Variants in PPIL6 observed in about 807,000 individuals in gnomAD.
PPIL6 encodes probable inactive peptidyl-prolyl cis-trans isomerase-like 6.
Under a neutral mutation model 36.8 loss-of-function variants are expected in PPIL6, and 39 were observed. The observed-to-expected ratio is 1.06, with a 90% confidence interval of 0.82 to 1.38. The LOEUF (loss-of-function observed/expected upper bound fraction) is 1.38. Ranked by LOEUF, PPIL6 falls within the 40% of genes most tolerant of loss-of-function variation. The pLI, the probability that PPIL6 is intolerant of heterozygous loss-of-function variation, is 0.00. For synonymous variants in PPIL6, 123 were observed against 134.1 expected, an observed-to-expected ratio of 0.92 and a Z score of 0.57; for missense variants, 368 against 379.1, an observed-to-expected ratio of 0.97 and a Z score of 0.24.
At chr6:109,425,258 TCCAA>T (rs1773753067) in intron 5 of PPIL6, among the ~76,000 whole-genome samples, 1 of 152,218 alleles carries the variant, frequency 6.6e-6, no homozygotes, top group Non-Finnish European at 1.5e-5. Flanking sequence ...AATCTAGCAA[TCCAA>T]CTTTTTCCCA....
chr6:109,424,756 G>T (rs10872033), intron 5 of PPIL6, among the ~76,000 whole-genome samples: 1 of 151,964 alleles, frequency 6.6e-6, no homozygotes, highest in African/African-American at 2.4e-5. Flanking sequence ...GACCTCTGGT[G>T]GTCCTCACTG....
intron 7 of PPIL6, among the ~76,000 whole-genome samples, chr6:109,399,271 C>A (rs143764212): frequency 1.3e-5 from 2 of 152,152 alleles, no homozygotes; most frequent in Admixed American, 6.5e-5. Flanking sequence ...CCACGCCTGG[C>A]TAATTTTTTG....
intron 6 of PPIL6, chr6:109,403,017 A>C: frequency 6.6e-7 from 1 of 1,513,894 alleles, no homozygotes; most frequent in Non-Finnish European, 8.8e-7. Context: ...CTCACTCTTT[A>C]ATCGTCTGCT....
chr6:109,433,982 C>A (rs1359069716), intron 2 of PPIL6, among the ~76,000 whole-genome samples: 2 of 152,098 alleles, frequency 1.3e-5, no homozygotes, highest in African/African-American at 4.8e-5. Context: ...AGAATCCACA[C>A]CAATTTCCTA....
chr6:109,415,161 G>T (rs554330220), intron 6 of PPIL6, among the ~76,000 whole-genome samples: 1 of 152,246 alleles, frequency 6.6e-6, no homozygotes, highest in East Asian at 1.9e-4. Flanking sequence ...GTCACACTCA[G>T]TGTTAACTTT....
At chr6:109,408,882 AC>A (rs772142627) in intron 6 of PPIL6, among the ~76,000 whole-genome samples, 7 of 152,204 alleles carry the variant, frequency 4.6e-5, no homozygotes, top group South Asian at 2.1e-4. Context: ...GGCCAGTATT[AC>A]CCTGAATACC....
chr6:109,419,038 G>A (rs915644547), intron 6 of PPIL6, 149 bp downstream of exon 6: 9 of 566,784 alleles, frequency 1.6e-5, no homozygotes, highest in Middle Eastern at 9.0e-4. Flanking sequence ...GCCTTAGGGC[G>A]CTTCCCCCCG....
At chr6:109,430,463 C>G (rs957339130) in intron 3 of PPIL6, among the ~76,000 whole-genome samples, 4 of 150,884 alleles carry the variant, frequency 2.7e-5, no homozygotes, top group East Asian at 2.0e-4. Flanking sequence ...GAGTCTCGCT[C>G]TGCACCAGGC....
rs148401838 is a variant in PPIL6, at chr6:109,431,223, A to C, written c.354T>G (p.Ile118Met). 43 of 1,614,130 alleles carry C rather than the reference A, an allele frequency of 2.7e-5. No homozygotes were observed. In the African/African-American group the frequency reaches 5.2e-4, roughly 20 times the overall value. Residue 118 changes from isoleucine (I) to methionine (M), a missense_variant, in exon 3 of 8, where the codon ATT becomes ATG. Coordinates refer to ENST00000521072, the MANE Select transcript of PPIL6 (RefSeq NM_173672.5). ...WAHEVWDIVD[I>M]KPSALYDALT... ...GTGCGTCATAAAGTGCAGAGGGTTT[A>C]ATGTCAACTATATCCCACACCTCGT...
At chr6:109,394,001 G>A (rs1258695356) in intron 7 of PPIL6, among the ~76,000 whole-genome samples, 1 of 152,194 alleles carries the variant, frequency 6.6e-6, no homozygotes, top group African/African-American at 2.4e-5. Flanking sequence ...CTCAGGCTCA[G>A]TGCCTAGCAT....
rs1472845297 is a variant in PPIL6 at position 109,416,528 on chromosome 6, T to C, written c.688+2659A>G. On this transcript the variant is annotated intron_variant, in intron 6 of 7. Coordinates refer to ENST00000521072, the MANE Select transcript of PPIL6 (RefSeq NM_173672.5). ...TTTTTGTGGCTTTTTTTTTTTTTTT[T>C]CCAGAATAGGTCACTTTTGTCTGCC... Among the ~76,000 whole-genome samples, 15 of 134,790 alleles carry C rather than the reference T, an allele frequency of 1.1e-4. No homozygotes were observed. The South Asian group carries it at 1.4e-3, about 13-fold the overall frequency. The allele number at this position is 134,790 out of a possible 152,430, so 88.4% of individuals were successfully genotyped here. A position where few individuals can be genotyped will look rare whatever the true frequency, so the allele number is the denominator to read the frequency against.
chr6:109,426,399 A>G (rs928527192), intron 5 of PPIL6, among the ~76,000 whole-genome samples: 1 of 152,214 alleles, frequency 6.6e-6, no homozygotes, highest in African/African-American at 2.4e-5. Context: ...GAACATAGAA[A>G]CCAAAATCCT....
At chr6:109,427,845 C>G (rs1301806015) in intron 3 of PPIL6, among the ~76,000 whole-genome samples, 2 of 152,188 alleles carry the variant, frequency 1.3e-5, no homozygotes, top group Non-Finnish European at 2.9e-5. Context: ...ACAGGGGATT[C>G]TTCTCTACTT....
intron 1 of PPIL6, among the ~76,000 whole-genome samples, chr6:109,437,408 T>C (rs1774505202): frequency 6.6e-6 from 1 of 152,116 alleles, no homozygotes; most frequent in Admixed American, 6.6e-5. Context: ...GTGGCCTACT[T>C]TGGGAATACT....
At chr6:109,402,109 A>G (rs1013559296) in intron 6 of PPIL6, among the ~76,000 whole-genome samples, 1 of 152,186 alleles carries the variant, frequency 6.6e-6, no homozygotes, top group Admixed American at 6.5e-5. Context: ...AAAAATTGGG[A>G]AAGAAAATTG....
intron 6 of PPIL6, among the ~76,000 whole-genome samples, chr6:109,402,203 G>A (rs1772580543): frequency 6.6e-6 from 1 of 152,156 alleles, no homozygotes; most frequent in South Asian, 2.1e-4. Flanking sequence ...CAAAGAAACT[G>A]CTACCTATGT....
intron 1 of PPIL6, chr6:109,440,251 C>A (rs1262308714): frequency 2.9e-6 from 2 of 685,954 alleles, no homozygotes; most frequent in Admixed American, 2.1e-5. Context: ...AAGTGGAACG[C>A]CCGCCCCCGG....
upstream of PPIL6, chr6:109,440,872 G>C: frequency 1.9e-6 from 1 of 538,930 alleles, no homozygotes; most frequent in Non-Finnish European, 3.2e-6. Flanking sequence ...TACCGAGCCT[G>C]GGCGCCCGGA....
intron 6 of PPIL6, among the ~76,000 whole-genome samples, chr6:109,418,514 T>C (rs1181010475): frequency 6.6e-6 from 1 of 152,078 alleles, no homozygotes; most frequent in African/African-American, 2.4e-5. Flanking sequence ...GTAAATGTTA[T>C]ACAGGGTTTT....
Sources: gnomAD v4.1 joint callset for allele counts (sites outside exome capture counted in the v4.1 genomes callset) on GRCh38, gnomAD v4.1.1 for gene constraint, MANE v1.5 for transcripts, NCBI Gene and HGNC (gene_info 2026-07-23, HGNC 2026-07-21) for gene names.